AIG1: variants seen among roughly 807,000 people sequenced by gnomAD.
AIG1 encodes androgen-induced gene 1 protein.
AIG1 carries 23 observed loss-of-function variants against 31.4 expected under a neutral mutation model. The observed-to-expected ratio is 0.73, with a 90% CI of 0.53 to 1.04. The LOEUF (loss-of-function observed/expected upper bound fraction) is 1.04. AIG1 is among the 50% of genes least tolerant of loss of function. AIG1 has a pLI of 0.00. For synonymous variants in AIG1, 100 were observed against 110.5 expected, an observed-to-expected ratio of 0.90 and a Z score of 0.60; for missense variants, 274 against 295.0, an observed-to-expected ratio of 0.93 and a Z score of 0.52.
At chr6:143,182,753 A>G (rs1247765776) in intron 3 of AIG1, among the ~76,000 whole-genome samples, 4 of 152,154 alleles carry the variant, frequency 2.6e-5, no homozygotes, top group African/African-American at 9.7e-5. Flanking sequence ...ATTTATCCCA[A>G]ATACCTAGAA....
intron 3 of AIG1, among the ~76,000 whole-genome samples, chr6:143,176,143 C>G (rs1788136281): frequency 6.6e-6 from 1 of 152,178 alleles, no homozygotes; most frequent in South Asian, 2.1e-4. Context: ...TCTGCAGAGT[C>G]CTGTGATGTT....
intron 3 of AIG1, among the ~76,000 whole-genome samples, chr6:143,277,341 T>C (rs1797009592): frequency 3.3e-5 from 5 of 152,162 alleles, no homozygotes; most frequent in Admixed American, 1.3e-4. Flanking sequence ...GCTATAAACT[T>C]ATTGGACCTC....
intron 3 of AIG1, among the ~76,000 whole-genome samples, chr6:143,248,587 C>T (rs551668110): frequency 2.0e-5 from 3 of 152,256 alleles, no homozygotes; most frequent in Middle Eastern, 3.4e-3. Flanking sequence ...TGATGAAACC[C>T]AAAGGGGCGG....
At chr6:143,206,581 T>G (rs1791124650) in intron 3 of AIG1, among the ~76,000 whole-genome samples, 1 of 152,176 alleles carries the variant, frequency 6.6e-6, no homozygotes, top group South Asian at 2.1e-4. Flanking sequence ...TTGGCATATG[T>G]CTACCATAGC....
At chr6:143,158,178 C>T (rs1353993109) in intron 2 of AIG1, among the ~76,000 whole-genome samples, 1 of 152,138 alleles carries the variant, frequency 6.6e-6, no homozygotes, top group Non-Finnish European at 1.5e-5. Flanking sequence ...ATTCAGGCAC[C>T]ACTCTTTTCT....
At chr6:143,133,728 A>G (rs1388231086) in intron 1 of AIG1, among the ~76,000 whole-genome samples, 1 of 152,104 alleles carries the variant, frequency 6.6e-6, no homozygotes, top group East Asian at 1.9e-4. Context: ...CAGTTACTAT[A>G]TCATGGAGTT....
intron 3 of AIG1, among the ~76,000 whole-genome samples, chr6:143,238,453 T>TC (rs1201423085): frequency 6.6e-6 from 1 of 152,184 alleles, no homozygotes; most frequent in African/African-American, 2.4e-5. Context: ...AAGGGAGCCC[T>TC]CCCCCAGCCA....
intron 3 of AIG1, among the ~76,000 whole-genome samples, chr6:143,250,517 C>T (rs1381476860): frequency 6.6e-6 from 1 of 152,090 alleles, no homozygotes; most frequent in Non-Finnish European, 1.5e-5. Flanking sequence ...GGCATAAAGG[C>T]ACAATTAAGT....
At chr6:143,227,359 C>G (rs1409690781) in intron 3 of AIG1, among the ~76,000 whole-genome samples, 2 of 152,264 alleles carry the variant, frequency 1.3e-5, no homozygotes, top group African/African-American at 4.8e-5. Flanking sequence ...GGAGCCATTA[C>G]AGCTGCCCCG....
At chr6:143,180,615 G>T (rs546522931) in intron 3 of AIG1, among the ~76,000 whole-genome samples, 1 of 152,224 alleles carries the variant, frequency 6.6e-6, no homozygotes, top group African/African-American at 2.4e-5. Flanking sequence ...ATAGTGCCTC[G>T]GCTTACTGAA....
intron 3 of AIG1, among the ~76,000 whole-genome samples, chr6:143,257,836 C>T (rs1207673462): frequency 6.6e-6 from 1 of 152,138 alleles, no homozygotes; most frequent in Non-Finnish European, 1.5e-5. Flanking sequence ...AGTTCTAATT[C>T]TCACTTTTTT....
intron 3 of AIG1, among the ~76,000 whole-genome samples, chr6:143,200,488 A>G (rs1159275884): frequency 6.6e-6 from 1 of 151,476 alleles, no homozygotes; most frequent in Non-Finnish European, 1.5e-5. Context: ...TTTCTCCCTC[A>G]CTCTAAGCTT....
intron 1 of AIG1, among the ~76,000 whole-genome samples, chr6:143,102,713 T>C (rs951957748): frequency 1.3e-5 from 2 of 151,834 alleles, no homozygotes; most frequent in African/African-American, 4.8e-5. Flanking sequence ...TCTCTACTCC[T>C]TTACATTTTG....
At chr6:143,168,035 A>G (rs1224093967) in intron 3 of AIG1, among the ~76,000 whole-genome samples, 1 of 152,194 alleles carries the variant, frequency 6.6e-6, no homozygotes, top group Non-Finnish European at 1.5e-5. Context: ...TAGACTAGCA[A>G]TTAAAATATG....
At chr6:143,323,319 G>A (rs1776364970) in intron 4 of AIG1, among the ~76,000 whole-genome samples, 1 of 152,156 alleles carries the variant, frequency 6.6e-6, no homozygotes, top group Non-Finnish European at 1.5e-5. Context: ...AACACCCTGT[G>A]TGACTGCACA....
chr6:143,322,107 C>G (rs1776261365), intron 4 of AIG1, among the ~76,000 whole-genome samples: 1 of 152,126 alleles, frequency 6.6e-6, no homozygotes, highest in Non-Finnish European at 1.5e-5. Flanking sequence ...AGCAGGAACT[C>G]AGAAAGGTCT....
At chr6:143,252,964 GC>G (rs1041490615) in intron 3 of AIG1, among the ~76,000 whole-genome samples, 7 of 152,184 alleles carry the variant, frequency 4.6e-5, no homozygotes, top group Admixed American at 1.3e-4. Context: ...GCCAGAGGAT[GC>G]CCCTTCAGTT....
chr6:143,300,075 A>G (rs1273867369), intron 4 of AIG1, among the ~76,000 whole-genome samples: 3 of 152,194 alleles, frequency 2.0e-5, no homozygotes, highest in Admixed American at 1.3e-4. Flanking sequence ...CCTGCTGCCT[A>G]AGAGGGGCTC....
chr6:143,304,671 A>T (rs1260536780), intron 4 of AIG1, among the ~76,000 whole-genome samples: 3 of 151,200 alleles, frequency 2.0e-5, no homozygotes, highest in Non-Finnish European at 2.9e-5. Context: ...CATCAAGGAT[A>T]TTGATCTAAA....
Sources: gnomAD v4.1 joint callset for allele counts (sites outside exome capture counted in the v4.1 genomes callset) on GRCh38, gnomAD v4.1.1 for gene constraint, MANE v1.5 for transcripts, NCBI Gene and HGNC (gene_info 2026-07-23, HGNC 2026-07-21) for gene names.